Variants in HCN1 observed in about 807,000 individuals in gnomAD.
The protein encoded by HCN1 is potassium/sodium hyperpolarization-activated cyclic nucleotide-gated channel 1.
HCN1 carries 13 observed loss-of-function variants against 78.9 expected under a neutral mutation model. The observed-to-expected ratio is 0.16, with a 90% CI of 0.11 to 0.26. The LOEUF (loss-of-function observed/expected upper bound fraction) is 0.26. Ranked by LOEUF, HCN1 falls within the 10% of genes least tolerant of loss-of-function variation. The probability of loss-of-function intolerance (pLI) is 1.00; values close to 1 mark genes in which losing one functional copy is unlikely to be tolerated. For missense variants in HCN1, 810 were observed against 1,154.3 expected, an observed-to-expected ratio of 0.70 and a Z score of 4.32; for synonymous variants, 552 against 455.5, an observed-to-expected ratio of 1.21 and a Z score of -2.70.
chr5:45,595,565 G>A (rs1013122602), intron 2 of HCN1, among the ~76,000 whole-genome samples: 5 of 151,856 alleles, frequency 3.3e-5, no homozygotes, highest in African/African-American at 1.2e-4. Flanking sequence ...TTTATTTCTT[G>A]GTGATTCCAT....
At chr5:45,457,535 CGTT>C (rs907593844) in intron 3 of HCN1, among the ~76,000 whole-genome samples, 95 of 152,202 alleles carry the variant, frequency 6.2e-4, no homozygotes, top group African/African-American at 2.3e-3. Flanking sequence ...TTCCTGTTCA[CGTT>C]GTGTTTTGCA....
At chr5:45,362,403 GC>G (rs1217845727) in intron 4 of HCN1, among the ~76,000 whole-genome samples, 1 of 151,946 alleles carries the variant, frequency 6.6e-6, no homozygotes, top group Non-Finnish European at 1.5e-5. Context: ...AGAAATAGAA[GC>G]TTTTACTTAA....
At position 45,261,079 on chromosome 5, in the gene HCN1, C is replaced by T. The variant is rs529049340; in HGVS notation, c.*842G>A. On this transcript the variant is annotated 3_prime_UTR_variant, in exon 8 of 8. Transcript: ENST00000303230. ...CATTGCATTACAATTGAATAATTCT[C>T]ACAATCAGGTTTTGTAAAATTTAAA... The T allele has an allele frequency of 7.9e-5, 12 of 152,588 alleles. No individual in the cohort carries two copies. Among genetic ancestry groups the T allele is most frequent in the Non-Finnish European group, 1.6e-4 (11 of 68,024 alleles). 9.5% of individuals were successfully genotyped at this position (152,588 alleles called of 1,614,324 possible). A position where few individuals can be genotyped will look rare whatever the true frequency, so the allele number is the denominator to read the frequency against.
At chr5:45,689,458 G>T (rs886323151) in intron 1 of HCN1, among the ~76,000 whole-genome samples, 2 of 152,074 alleles carry the variant, frequency 1.3e-5, no homozygotes, top group Non-Finnish European at 2.9e-5. Context: ...AAATTCTGCT[G>T]AACAGAAAGC....
At position 45,688,770 on chromosome 5, in the gene HCN1, T is replaced by C. The variant is rs546872004; in HGVS notation, c.425+6899A>G. Among the ~76,000 whole-genome samples, 113 of 152,224 alleles carry C rather than the reference T, an allele frequency of 7.4e-4. 1 individual carries two copies. The highest frequency in any genetic ancestry group is 2.6e-3 in the African/African-American group (109 of 41,564). On this transcript the variant is annotated intron_variant, in intron 1 of 7. Coordinates refer to ENST00000303230, the MANE Select transcript of HCN1 (RefSeq NM_021072.4). ...TGATAAATGAATAAATTAAAGGTAG[T>C]ATATCCATAAAATGGAATGTTATTC...
chr5:45,658,626 G>A (rs1745842889), intron 1 of HCN1, among the ~76,000 whole-genome samples: 1 of 151,898 alleles, frequency 6.6e-6, no homozygotes, highest in East Asian at 2.0e-4. Flanking sequence ...GCAGGGCGAG[G>A]CATTGCCTCA....
chr5:45,402,505 C>T (rs1168551893), intron 3 of HCN1, among the ~76,000 whole-genome samples: 1 of 151,810 alleles, frequency 6.6e-6, no homozygotes. Context: ...ATTGGGAGGT[C>T]CAAAATATTA....
intron 1 of HCN1, among the ~76,000 whole-genome samples, chr5:45,654,622 AAG>A (rs1308650709): frequency 6.6e-6 from 1 of 152,178 alleles, no homozygotes; most frequent in Non-Finnish European, 1.5e-5. Context: ...AAGAAGGACA[AAG>A]AGAATACTGA....
intron 2 of HCN1, among the ~76,000 whole-genome samples, chr5:45,579,894 A>G (rs1032488771): frequency 6.6e-6 from 1 of 152,118 alleles, no homozygotes; most frequent in Non-Finnish European, 1.5e-5. Context: ...GATTTATAGG[A>G]GATGATAAAC....
Position 45,267,228 on chromosome 5 carries a change from A to C in HCN1, c.1644T>G (p.Arg548=). The C allele has an allele frequency of 6.2e-7, 1 of 1,614,074 alleles. No individual in the cohort carries two copies. Among genetic ancestry groups the C allele is most frequent in the Non-Finnish European group, 8.5e-7 (1 of 1,179,976 alleles). Residue 548 remains arginine (R), a synonymous_variant, in exon 7 of 8, where the codon CGT becomes CGG. Coordinates refer to ENST00000303230, the MANE Select transcript of HCN1 (RefSeq NM_021072.4). ...FGEICLLTKG[R]RTASVRADTY... ...TATCAGCTCGAACACTGGCAGTACG[A>C]CGTCCTTTGGTCAGCAGGCAAATCT...
intron 2 of HCN1, among the ~76,000 whole-genome samples, chr5:45,543,478 GA>G (rs1743144415): frequency 6.6e-6 from 1 of 151,746 alleles, no homozygotes; most frequent in African/African-American, 2.4e-5. Context: ...ATACACCATT[GA>G]AAATATAATC....
chr5:45,665,516 G>A (rs1175534237), intron 1 of HCN1, among the ~76,000 whole-genome samples: 1 of 151,938 alleles, frequency 6.6e-6, no homozygotes, highest in African/African-American at 2.4e-5. Flanking sequence ...TGTGTATCTG[G>A]TTTCTTCAAC....
chr5:45,481,132 G>T (rs1741642205), intron 2 of HCN1, among the ~76,000 whole-genome samples: 1 of 152,318 alleles, frequency 6.6e-6, no homozygotes, highest in Admixed American at 6.5e-5. Context: ...GGTGAAGAGA[G>T]ATTCTGTAAA....
chr5:45,639,476 C>T (rs989659497), intron 2 of HCN1, among the ~76,000 whole-genome samples: 1 of 152,098 alleles, frequency 6.6e-6, no homozygotes, highest in African/African-American at 2.4e-5. Flanking sequence ...AAATAAGTCA[C>T]TTTATGTGAT....
At chr5:45,541,745 T>C (rs1743111186) in intron 2 of HCN1, among the ~76,000 whole-genome samples, 1 of 152,130 alleles carries the variant, frequency 6.6e-6, no homozygotes, top group African/African-American at 2.4e-5. Context: ...TCTTCTTCTT[T>C]GGGAAGGGGA....
chr5:45,452,353 G>C (rs1158648845), intron 3 of HCN1, among the ~76,000 whole-genome samples: 48 of 150,542 alleles, frequency 3.2e-4, no homozygotes. Flanking sequence ...TAGGTTCCAG[G>C]GTACATATGC....
At position 45,504,713 on chromosome 5, in the gene HCN1, C is replaced by T. The variant is rs905284642; in HGVS notation, c.850-42706G>A. Among the ~76,000 whole-genome samples, 10 of 152,160 alleles carry T rather than the reference C, an allele frequency of 6.6e-5. 1 individual carries two copies. The highest frequency in any genetic ancestry group is 2.2e-4 in the African/African-American group (9 of 41,424). Reference sequence around the variant, plus strand: ...ATGGTTGAACTAGTTTACAGTCCCACCAACAGTGTAAAAGTGTTCCTATTT... The same window carrying T: ...ATGGTTGAACTAGTTTACAGTCCCATCAACAGTGTAAAAGTGTTCCTATTT... On this transcript the variant is annotated intron_variant, in intron 2 of 7. Coordinates refer to ENST00000303230, the MANE Select transcript of HCN1 (RefSeq NM_021072.4).
Position 45,260,554 on chromosome 5 carries a change from C to G in HCN1, c.*1367G>C, listed in dbSNP as rs1021608387. On this transcript the variant is annotated 3_prime_UTR_variant, in exon 8 of 8. Transcript: ENST00000303230. ...ACCACATGCCTTAAAGTTTACTAAC[C>G]ATTTAGTTACAATATACATAGAGCA... is the stretch of plus-strand genomic sequence containing the variant. 2 of 152,352 alleles carry G rather than the reference C, an allele frequency of 1.3e-5. No homozygotes were observed. The highest frequency in any genetic ancestry group is 4.8e-5 in the African/African-American group (2 of 41,420). The allele number at this position is 152,352 out of a possible 1,614,324, so 9.4% of individuals were successfully genotyped here. A position where few individuals can be genotyped will look rare whatever the true frequency, so the allele number is the denominator to read the frequency against.
At chr5:45,357,240 A>G (rs939805407) in intron 4 of HCN1, among the ~76,000 whole-genome samples, 10 of 152,056 alleles carry the variant, frequency 6.6e-5, no homozygotes, top group African/African-American at 2.4e-4. Flanking sequence ...GAATCTTTCC[A>G]TGTCTGAAAT....
Sources: allele counts gnomAD v4.1 joint callset (sites outside exome capture counted in the v4.1 genomes callset), GRCh38; gene constraint gnomAD v4.1.1; transcripts MANE v1.5; gene names NCBI Gene and HGNC (gene_info 2026-07-23, HGNC 2026-07-21).